The following STX6 variants were observed in gnomAD, a reference collection of about 807,000 sequenced individuals.
STX6 encodes syntaxin 6, also known as syntaxin-6.
Under a neutral mutation model 38.0 loss-of-function variants are expected in STX6, and 23 were observed. The ratio of observed to expected loss-of-function variants is 0.60; its 90% CI spans 0.43 to 0.86. The LOEUF (loss-of-function observed/expected upper bound fraction) is 0.86. STX6 is among the 40% of genes least tolerant of loss of function. The pLI is 0.00. For missense variants in STX6, 274 were observed against 312.9 expected, an observed-to-expected ratio of 0.88 and a Z score of 0.94; for synonymous variants, 123 against 107.5, an observed-to-expected ratio of 1.14 and a Z score of -0.89.
intron 6 of STX6, among the ~76,000 whole-genome samples, chr1:180,987,430 G>T (rs972865134): frequency 3.6e-4 from 55 of 152,204 alleles, no homozygotes; most frequent in African/African-American, 1.3e-3. Flanking sequence ...CCTGCAAGCG[G>T]CAAACTCTTT....
intron 4 of STX6, 131 bp from the exon 5 acceptor site, chr1:180,990,240 G>T: frequency 8.5e-7 from 1 of 1,170,560 alleles, no homozygotes; most frequent in South Asian, 1.5e-5. Context: ...AGGCTTTTAT[G>T]TAGTGGTGTA....
In STX6 at chr1:180,984,725, G is replaced by C; in HGVS notation, c.643C>G (p.Leu215Val). ...GCAAGTTTCTTCATCACATTGTCCA[G>C]CCGGGACTGAGTGCTCTCCAATTCG... ...SHELESTQSR[L>V]DNVMKKLAKV... is the part of the protein sequence containing the mutation. Residue 215 changes from leucine (L) to valine (V), a missense_variant, in exon 7 of 8, where the codon CTG (leucine) becomes GTG (valine). By Grantham distance (32) the Leu-to-Val change is conservative. Coordinates refer to ENST00000258301, the MANE Select transcript of STX6 (RefSeq NM_005819.6). 6.3e-7 allele frequency: 1 copy of C among 1,598,678 alleles called. No homozygotes were observed. The highest frequency in any genetic ancestry group is 8.6e-7 in the Non-Finnish European group (1 of 1,166,166).
At chr1:181,022,554 T>C (rs1656770024) in intron 1 of STX6, 85 bp downstream of exon 1, 7 of 1,385,628 alleles carry the variant, frequency 5.1e-6, no homozygotes, top group African/African-American at 1.5e-5. Context: ...TTGCCTCCCC[T>C]CCCCCCACTG....
At chr1:181,011,613 T>C (rs563909715) in intron 1 of STX6, among the ~76,000 whole-genome samples, 26 of 152,386 alleles carry the variant, frequency 1.7e-4, no homozygotes, top group African/African-American at 6.0e-4. Flanking sequence ...TGAAGATTAC[T>C]TGGCATTCCA....
intron 3 of STX6, among the ~76,000 whole-genome samples, chr1:180,995,353 T>C (rs893289302): frequency 1.3e-5 from 2 of 152,008 alleles, no homozygotes; most frequent in African/African-American, 4.8e-5. Context: ...CCCCTCCCCA[T>C]CCCCATTCCT....
Position 181,005,354 on chromosome 1 carries a change from C to T in STX6, c.145G>A (p.Glu49Lys), listed in dbSNP as rs1412858849. 6 of 1,614,108 alleles carry T rather than the reference C, an allele frequency of 3.7e-6. No homozygotes were observed. Among genetic ancestry groups the T allele is most frequent in the South Asian group, 1.1e-5 (1 of 91,070 alleles). The change falls in exon 2 of 8, where the codon GAG becomes AAG. Residue 49 changes from glutamate to lysine, a missense_variant. By Grantham distance (56) the Glu-to-Lys change is moderately conservative (BLOSUM62 1). Coordinates refer to ENST00000258301, the MANE Select transcript of STX6 (RefSeq NM_005819.6). ...TREEIDWTTNELRNNLRSIEW... is the reference protein window; with the variant it reads ...TREEIDWTTNKLRNNLRSIEW... ...ATGCTCCGGAGGTTATTTCTCAGCT[C>T]GTTGGTGGTCCAGTCGATTTCTTCC...
chr1:181,022,619 A>C lies in STX6; in HGVS notation c.35+20T>G. The C allele has an allele frequency of 6.2e-7, 1 of 1,606,000 alleles. No individual in the cohort carries two copies. The highest frequency in any genetic ancestry group is 1.1e-5 in the South Asian group (1 of 89,742). On this transcript the variant is annotated intron_variant, in intron 1 of 7. Coordinates refer to ENST00000258301, the MANE Select transcript of STX6 (RefSeq NM_005819.6). ...GCACCGCCACCTCTTCCTCCGGTGG[A>C]GCGCTCGGCCGACACTCACCCTTTC...
At chr1:181,009,336 G>C (rs1656328110) in intron 1 of STX6, among the ~76,000 whole-genome samples, 1 of 152,038 alleles carries the variant, frequency 6.6e-6, no homozygotes, top group African/African-American at 2.4e-5. Flanking sequence ...GGGCATGGTG[G>C]TGGGTGCCTG....
chr1:181,015,274 T>C (rs945754572), intron 1 of STX6, among the ~76,000 whole-genome samples: 5 of 152,212 alleles, frequency 3.3e-5, no homozygotes, highest in Admixed American at 1.3e-4. Context: ...TATAGGATCA[T>C]TCCATTTGCC....
chr1:180,983,197 T>TA (rs1339816204), intron 7 of STX6, among the ~76,000 whole-genome samples: 2 of 152,066 alleles, frequency 1.3e-5, no homozygotes, highest in Non-Finnish European at 2.9e-5. Flanking sequence ...TTATGTAACC[T>TA]ATGAGTTAAA....
At position 181,009,510 on chromosome 1, in the gene STX6, T is replaced by C. The variant is rs550633698; in HGVS notation, c.36-4047A>G. Among the ~76,000 whole-genome samples, 4 of 150,424 alleles carry C rather than the reference T, an allele frequency of 2.7e-5. No homozygotes were observed. The South Asian group carries it at 8.4e-4, about 32-fold the overall frequency. On this transcript the variant is annotated intron_variant, in intron 1 of 7. Transcript: ENST00000258301. ...AAAAGCAAAAGATTTGACCAGTCACTTCACCAAAGACATACATATGACAAA... is the reference window on the plus strand; with the variant it reads ...AAAAGCAAAAGATTTGACCAGTCACCTCACCAAAGACATACATATGACAAA...
chr1:181,007,809 T>A (rs974472569), intron 1 of STX6, among the ~76,000 whole-genome samples: 23 of 152,346 alleles, frequency 1.5e-4, no homozygotes, highest in Non-Finnish European at 1.6e-4. Flanking sequence ...ACAGACATTT[T>A]AAAAATATTT....
At chr1:181,003,317 T>C (rs1656134503) in intron 2 of STX6, among the ~76,000 whole-genome samples, 1 of 152,232 alleles carries the variant, frequency 6.6e-6, no homozygotes, top group Non-Finnish European at 1.5e-5. Context: ...AGGGCTGGTA[T>C]AGTGTTTATT....
chr1:181,004,736 T>C (rs1443382992), intron 2 of STX6, among the ~76,000 whole-genome samples: 1 of 152,134 alleles, frequency 6.6e-6, no homozygotes, highest in East Asian at 1.9e-4. Context: ...CTCTTGCAAA[T>C]TAAATTAATT....
chr1:180,988,161 G>T, intron 6 of STX6, 78 bp downstream of exon 6: 2 of 987,416 alleles, frequency 2.0e-6, no homozygotes, highest in Non-Finnish European at 1.6e-6. Context: ...CCACGTAGCT[G>T]CCAGGCTTTT....
chr1:180,993,328 C>T (rs897490835), intron 4 of STX6, 35 bp downstream of exon 4: 1 of 1,191,608 alleles, frequency 8.4e-7, no homozygotes, highest in Admixed American at 1.7e-5. Flanking sequence ...TGTATGCTTT[C>T]TGTCATTGAT....
chr1:181,010,293 T>C (rs1656354114), intron 1 of STX6, among the ~76,000 whole-genome samples: 2 of 152,224 alleles, frequency 1.3e-5, no homozygotes, highest in African/African-American at 4.8e-5. Context: ...TAATTTTTAC[T>C]GTTTCATGAA....
At position 180,975,954 on chromosome 1, in the gene STX6, C is replaced by A. The variant is rs764216498; in HGVS notation, c.*616G>T. On this transcript the variant is annotated 3_prime_UTR_variant, in exon 8 of 8. Transcript: ENST00000258301. The stretch of plus-strand genomic sequence containing the variant: ...CATTATTTTCCATTAGTTATTCTTA[C>A]CACAAAAAAAAATGACCTGGAAAAG... The A allele has an allele frequency of 3.3e-5, 5 of 152,476 alleles. No homozygotes were observed. The highest frequency in any genetic ancestry group is 2.0e-4 in the Admixed American group (3 of 15,268). 9.4% of individuals were successfully genotyped at this position (152,476 alleles called of 1,614,324 possible).
intron 1 of STX6, among the ~76,000 whole-genome samples, chr1:181,021,750 T>A (rs1656732224): frequency 6.6e-6 from 1 of 152,190 alleles, no homozygotes; most frequent in South Asian, 2.1e-4. Flanking sequence ...GAAGACTCTA[T>A]CTCCAAAGAA....
Sources: gnomAD v4.1 joint callset for allele counts (sites outside exome capture counted in the v4.1 genomes callset) on GRCh38, gnomAD v4.1.1 for gene constraint, MANE v1.5 for transcripts, NCBI Gene and HGNC (gene_info 2026-07-23, HGNC 2026-07-21) for gene names.